The following CCBE1 variants were observed in gnomAD, a reference collection of about 807,000 sequenced individuals.
CCBE1 encodes the protein collagen and calcium binding EGF domains 1.
Under a neutral mutation model 50.0 loss-of-function variants are expected in CCBE1, and 37 were observed. The observed-to-expected ratio is 0.74, with a 90% CI of 0.57 to 0.97. The LOEUF is 0.97. CCBE1 is among the 50% of genes least tolerant of loss of function. The probability of loss-of-function intolerance (pLI) is 0.00; values close to 1 mark genes in which losing one functional copy is unlikely to be tolerated. For synonymous variants in CCBE1, 234 were observed against 203.7 expected (o/e 1.15, Z -1.27); for missense variants, 538 against 523.8 (o/e 1.03, Z -0.26).
intron 7 of CCBE1, among the ~76,000 whole-genome samples, chr18:59,443,275 C>T (rs753715927): frequency 1.9e-4 from 29 of 152,114 alleles, no homozygotes; most frequent in South Asian, 4.1e-4. Flanking sequence ...CTGCCCACAC[C>T]GGGGACTCTA....
intron 2 of CCBE1, among the ~76,000 whole-genome samples, chr18:59,589,298 T>TACATAATAAATA (rs1329074664): frequency 2.0e-5 from 3 of 152,276 alleles, no homozygotes; most frequent in Middle Eastern, 3.4e-3. Flanking sequence ...TCACCAATTT[T>TACATAATAAATA]ACATAATAAA....
At chr18:59,521,313 G>A (rs190179591) in intron 2 of CCBE1, among the ~76,000 whole-genome samples, 106 of 152,312 alleles carry the variant, frequency 7.0e-4, no homozygotes, top group African/African-American at 2.5e-3. Flanking sequence ...CAACACAACT[G>A]TGTTTTCAGT....
At chr18:59,635,063 A>T (rs2053897728) in intron 2 of CCBE1, among the ~76,000 whole-genome samples, 2 of 152,252 alleles carry the variant, frequency 1.3e-5, no homozygotes, top group African/African-American at 2.4e-5. Context: ...CTGAGGAAAG[A>T]AGGGACCTAG....
chr18:59,549,897 C>G (rs1308176047), intron 2 of CCBE1, among the ~76,000 whole-genome samples: 3 of 152,190 alleles, frequency 2.0e-5, no homozygotes, highest in African/African-American at 7.2e-5. Flanking sequence ...TCCTCCCCAT[C>G]ATGCAGATAA....
chr18:59,576,718 C>A (rs2053002884), intron 2 of CCBE1, among the ~76,000 whole-genome samples: 1 of 152,162 alleles, frequency 6.6e-6, no homozygotes, highest in Non-Finnish European at 1.5e-5. Flanking sequence ...CCTGCCACTC[C>A]CTCCAATGCT....
At chr18:59,613,001 A>C (rs930742876) in intron 2 of CCBE1, among the ~76,000 whole-genome samples, 2 of 152,094 alleles carry the variant, frequency 1.3e-5, no homozygotes, top group African/African-American at 4.8e-5. Context: ...GCTAAATTGC[A>C]AGGTATGGAC....
chr18:59,541,701 T>C (rs1915471620), intron 2 of CCBE1, among the ~76,000 whole-genome samples: 1 of 151,902 alleles, frequency 6.6e-6, no homozygotes, highest in Non-Finnish European at 1.5e-5. Flanking sequence ...ACTGGGCCAT[T>C]GGAGGAAGAG....
chr18:59,526,477 TTTTC>T (rs1253964561), intron 2 of CCBE1, among the ~76,000 whole-genome samples: 3 of 152,028 alleles, frequency 2.0e-5, no homozygotes, highest in African/African-American at 4.8e-5. Context: ...GCCTAGCTAA[TTTTC>T]TTTATTTTTA....
At chr18:59,659,580 C>T (rs1210232452) in intron 2 of CCBE1, among the ~76,000 whole-genome samples, 2 of 152,188 alleles carry the variant, frequency 1.3e-5, no homozygotes, top group African/African-American at 4.8e-5. Flanking sequence ...AAATCCATCA[C>T]ATCTTCAAAG....
At chr18:59,445,850 A>G (rs1399215776) in intron 7 of CCBE1, among the ~76,000 whole-genome samples, 1 of 152,188 alleles carries the variant, frequency 6.6e-6, no homozygotes, top group African/African-American at 2.4e-5. Flanking sequence ...TGGGACTTTA[A>G]TGTACAAACG....
intron 2 of CCBE1, among the ~76,000 whole-genome samples, chr18:59,576,202 G>A (rs2052992598): frequency 6.6e-6 from 1 of 152,230 alleles, no homozygotes; most frequent in Non-Finnish European, 1.5e-5. Context: ...AGGTTTTGGA[G>A]GTTACAGGTA....
chr18:59,682,022 C>T (rs1368599703), intron 2 of CCBE1, among the ~76,000 whole-genome samples: 1 of 152,180 alleles, frequency 6.6e-6, no homozygotes, highest in African/African-American at 2.4e-5. Flanking sequence ...CAGAGGGTTT[C>T]TGGAGGACCC....
chr18:59,501,055 G>A (rs1010636021), intron 2 of CCBE1, among the ~76,000 whole-genome samples: 2 of 152,216 alleles, frequency 1.3e-5, no homozygotes, highest in African/African-American at 4.8e-5. Context: ...AGGTGAAGAT[G>A]GGTTACACCT....
chr18:59,680,024 C>T (rs1210487004), intron 2 of CCBE1, among the ~76,000 whole-genome samples: 1 of 151,802 alleles, frequency 6.6e-6, no homozygotes, highest in Non-Finnish European at 1.5e-5. Context: ...AGGACGAGAC[C>T]AACTCGGACA....
At chr18:59,517,247 C>T (rs1914412334) in intron 2 of CCBE1, among the ~76,000 whole-genome samples, 1 of 152,222 alleles carries the variant, frequency 6.6e-6, no homozygotes, top group South Asian at 2.1e-4. Flanking sequence ...GGGCATCAAA[C>T]TGGCTTTTAT....
chr18:59,552,105 T>A (rs9675981), intron 2 of CCBE1, among the ~76,000 whole-genome samples: 1 of 152,198 alleles, frequency 6.6e-6, no homozygotes, highest in African/African-American at 2.4e-5. Context: ...CTGGCCCTTC[T>A]CCATGGGCCT....
At chr18:59,638,446 A>G (rs908931243) in intron 2 of CCBE1, among the ~76,000 whole-genome samples, 3 of 147,624 alleles carry the variant, frequency 2.0e-5, no homozygotes, top group Non-Finnish European at 3.0e-5. Context: ...CAGCACCACT[A>G]GAGAACTTGC....
intron 2 of CCBE1, among the ~76,000 whole-genome samples, chr18:59,552,359 TAG>T (rs1333905949): frequency 3.3e-5 from 5 of 152,314 alleles, no homozygotes; most frequent in African/African-American, 9.6e-5. Flanking sequence ...GTAACACACG[TAG>T]AGTGTTTCGT....
chr18:59,562,885 AG>A (rs1456619234), intron 2 of CCBE1, among the ~76,000 whole-genome samples: 1 of 79,508 alleles, frequency 1.3e-5, no homozygotes, highest in Non-Finnish European at 2.3e-5. Flanking sequence ...GCCGCCTTAG[AG>A]GTTTCGATCT....
Sources: gnomAD v4.1 joint callset for allele counts (sites outside exome capture counted in the v4.1 genomes callset) on GRCh38, gnomAD v4.1.1 for gene constraint, MANE v1.5 for transcripts, NCBI Gene and HGNC (gene_info 2026-07-23, HGNC 2026-07-21) for gene names.